The following DPM1 variants were observed in gnomAD, a reference collection of about 807,000 sequenced individuals.
The protein encoded by DPM1 is dolichol-phosphate mannosyltransferase subunit 1.
DPM1 carries 27 observed loss-of-function variants against 39.0 expected under a neutral mutation model. That is an observed-to-expected ratio of 0.69 (90% confidence interval 0.51 to 0.95). DPM1 has a LOEUF of 0.95. Ranked by LOEUF, DPM1 falls within the 40% of genes least tolerant of loss-of-function variation. The pLI is 0.00. For synonymous variants in DPM1, 124 were observed against 109.0 expected, an observed-to-expected ratio of 1.14 and a Z score of -0.86; for missense variants, 307 against 315.6, an observed-to-expected ratio of 0.97 and a Z score of 0.21.
intron 1 of DPM1, among the ~76,000 whole-genome samples, chr20:50,956,611 T>C (rs768742411): frequency 7.2e-5 from 11 of 152,000 alleles, no homozygotes; most frequent in Non-Finnish European, 1.5e-4. Context: ...TTAAAGGCTT[T>C]AACAAGTCAG....
At chr20:50,938,538 A>G (rs1985415847) in intron 7 of DPM1, among the ~76,000 whole-genome samples, 1 of 150,942 alleles carries the variant, frequency 6.6e-6, no homozygotes, top group Non-Finnish European at 1.5e-5. Flanking sequence ...GCCCGCCACC[A>G]CGCCCGGCTA....
intron 7 of DPM1, among the ~76,000 whole-genome samples, chr20:50,939,195 T>C (rs1489768862): frequency 6.6e-6 from 1 of 152,130 alleles, no homozygotes; most frequent in Admixed American, 6.5e-5. Context: ...GCTGTGTTTT[T>C]CTTCACAGCC....
chr20:50,957,952 G>A (rs1216994478), intron 1 of DPM1, among the ~76,000 whole-genome samples: 1 of 152,172 alleles, frequency 6.6e-6, no homozygotes, highest in Non-Finnish European at 1.5e-5. Context: ...CAAACCTCAT[G>A]CTTATGTAAG....
At chr20:50,955,090 T>C in intron 2 of DPM1, 96 bp downstream of exon 2, 1 of 1,028,196 alleles carries the variant, frequency 9.7e-7, no homozygotes, top group South Asian at 1.4e-5. Context: ...CTTTTCAGTT[T>C]CTAAACAAAT....
intron 8 of DPM1, among the ~76,000 whole-genome samples, 185 bp downstream of exon 8, chr20:50,935,963 G>C (rs1017696404): frequency 6.6e-6 from 1 of 152,200 alleles, no homozygotes; most frequent in Non-Finnish European, 1.5e-5. Context: ...GACTGTTAAT[G>C]TTTTAAATCT....
intron 3 of DPM1, among the ~76,000 whole-genome samples, chr20:50,947,661 T>A (rs568567385): frequency 6.6e-6 from 1 of 152,298 alleles, no homozygotes; most frequent in South Asian, 2.1e-4. Context: ...AGAATAACTG[T>A]TTTTATCACT....
At chr20:50,941,228 AT>A (rs1481734921) in intron 6 of DPM1, 42 of 15,052 alleles carry the variant, frequency 2.8e-3, no homozygotes, top group Non-Finnish European at 2.7e-3. Context: ...AAAAAAGTGA[AT>A]ATATATATAT....
In DPM1 at chr20:50,936,160, A is replaced by G. The variant is rs776456517; in HGVS notation, c.666T>C (p.Tyr222=). ...ATCAGTTGCATACCTCGCCAATAGT[A>G]TAATTCAACTGTCTTGCCCGAACAA... ...EMIVRARQLN[Y]TIGEVPISFV... Residue 222 remains tyrosine (Y), a synonymous_variant, in exon 8 of 9, where the codon TAT becomes TAC. Coordinates refer to ENST00000371588, the MANE Select transcript of DPM1 (RefSeq NM_003859.3). 7 of 1,611,258 alleles carry G rather than the reference A, an allele frequency of 4.3e-6. No homozygotes were observed. The highest frequency in any genetic ancestry group is 1.3e-5 in the African/African-American group (1 of 75,006).
chr20:50,941,039 C>T, intron 6 of DPM1, 106 bp from the exon 7 acceptor site: 3 of 1,102,226 alleles, frequency 2.7e-6, no homozygotes, highest in Non-Finnish European at 4.0e-6. Context: ...ATAAATGTAA[C>T]ATTAATTTCA....
In DPM1 at chr20:50,936,255, G is replaced by T; in HGVS notation, c.571C>A (p.Arg191=). The change falls in exon 8 of 9, where the codon CGA becomes AGA. Residue 191 remains arginine, a synonymous_variant. Transcript: ENST00000371588. The part of the protein sequence containing the change: ...SDLTGSFRLY[R]KEVLEKLIEK... Reference sequence around the variant, plus strand: ...ATTAATTTCTCTAGAACTTCTTTTCGGTATAATCTGTAAGAAATTAAAAAT... The same window carrying T: ...ATTAATTTCTCTAGAACTTCTTTTCTGTATAATCTGTAAGAAATTAAAAAT... 6.3e-7 allele frequency: 1 copy of T among 1,587,204 alleles called. No homozygotes were observed.
At chr20:50,948,474 G>T (rs557629456) in intron 3 of DPM1, among the ~76,000 whole-genome samples, 155 bp downstream of exon 3, 1 of 152,076 alleles carries the variant, frequency 6.6e-6, no homozygotes, top group Admixed American at 6.6e-5. Flanking sequence ...TTATACAGGC[G>T]ACCCAAGTTA....
intron 6 of DPM1, 172 bp from the exon 7 acceptor site, chr20:50,941,105 C>T: frequency 4.0e-6 from 3 of 753,358 alleles, no homozygotes; most frequent in Non-Finnish European, 6.5e-6. Flanking sequence ...GAAAGGAGAC[C>T]TGGCTAGGCG....
At position 50,941,263 on chromosome 20, in the gene DPM1, T is replaced by A. The variant is rs6126128; in HGVS notation, c.495-330A>T. On this transcript the variant is annotated intron_variant, in intron 6 of 8. Transcript: ENST00000371588. ...ATATATATATATATATATATATATATAAATAAAATACATTCATATAATATA... is the reference window on the plus strand; with the variant it reads ...ATATATATATATATATATATATATAAAAATAAAATACATTCATATAATATA... 1.2e-4 allele frequency: 18 copies of A among 155,988 alleles called. 1 individual carries two copies. Among genetic ancestry groups the A allele is most frequent in the Middle Eastern group, 2.5e-3 (1 of 396 alleles). 9.7% of individuals were successfully genotyped at this position (155,988 alleles called of 1,614,324 possible).
chr20:50,940,994 A>G (rs2123086882), intron 6 of DPM1, 61 bp from the exon 7 acceptor site: 3 of 1,446,972 alleles, frequency 2.1e-6, no homozygotes, highest in Non-Finnish European at 2.9e-6. Flanking sequence ...AGAGAAACAC[A>G]TCGAAGAACA....
chr20:50,938,387 A>ATT, intron 7 of DPM1, among the ~76,000 whole-genome samples: 1 of 150,682 alleles, frequency 6.6e-6, no homozygotes, highest in African/African-American at 2.5e-5. Context: ...TATTAAAAAA[A>ATT]ATTTTTTTTT....
intron 1 of DPM1, among the ~76,000 whole-genome samples, chr20:50,956,515 G>C (rs910448774): frequency 1.4e-5 from 2 of 143,442 alleles, no homozygotes; most frequent in African/African-American, 5.2e-5. Flanking sequence ...AACAGAGCAA[G>C]ACTCCGTCTC....
intron 8 of DPM1, 67 bp from the exon 9 acceptor site, chr20:50,935,303 C>T: frequency 1.1e-6 from 1 of 918,846 alleles, no homozygotes; most frequent in Non-Finnish European, 1.8e-6. Context: ...CGGTATACCA[C>T]ATTACCAACA....
At chr20:50,941,210 C>T in intron 6 of DPM1, 1 of 181,532 alleles carries the variant, frequency 5.5e-6, no homozygotes, top group Non-Finnish European at 9.3e-6. Context: ...AACTCCATCA[C>T]TACAAAAAAA....
intron 2 of DPM1, among the ~76,000 whole-genome samples, chr20:50,949,633 T>A (rs1769390620): frequency 6.6e-6 from 1 of 152,228 alleles, no homozygotes; most frequent in South Asian, 2.1e-4. Flanking sequence ...GTTTCTGAGG[T>A]ATGGGGTTCA....
Sources: gnomAD v4.1 joint callset for allele counts (sites outside exome capture counted in the v4.1 genomes callset) on GRCh38, gnomAD v4.1.1 for gene constraint, MANE v1.5 for transcripts, NCBI Gene and HGNC (gene_info 2026-07-23, HGNC 2026-07-21) for gene names.